WWOX: variants seen among roughly 807,000 people sequenced by gnomAD.
The protein encoded by WWOX is WW domain containing oxidoreductase, also known as WW domain-containing oxidoreductase.
In WWOX, 69 loss-of-function variants were observed where a neutral mutation model predicts 46.2. That is an observed-to-expected ratio of 1.49 (90% CI 1.23 to 1.82). WWOX has a LOEUF of 1.82. WWOX is among the 40% of genes most tolerant of loss of function. The probability of loss-of-function intolerance (pLI) is 0.00; values close to 1 mark genes in which losing one functional copy is unlikely to be tolerated. For synonymous variants in WWOX, 359 were observed against 202.6 expected (o/e 1.77, Z -6.56); for missense variants, 919 against 542.6 (o/e 1.69, Z -6.89).
chr16:79,109,238 T>G (rs911755524), intron 8 of WWOX, among the ~76,000 whole-genome samples: 1 of 152,212 alleles, frequency 6.6e-6, no homozygotes, highest in African/African-American at 2.4e-5. Context: ...GCTGTCCTCC[T>G]AATCCACATC....
intron 6 of WWOX, among the ~76,000 whole-genome samples, chr16:78,407,334 G>C (rs2082571450): frequency 6.6e-6 from 1 of 152,126 alleles, no homozygotes; most frequent in Non-Finnish European, 1.5e-5. Flanking sequence ...GTGACATTCT[G>C]CTTCCAGGAG....
At position 78,540,018 on chromosome 16, in the gene WWOX, T is replaced by TCACACACA. The variant is rs764527946; in HGVS notation, c.1056+107267_1056+107268insACACACAC. ...CTCTTTCTCTCTCTCTCTCTCTCTC[T>TCACACACA]CTCACACACACACACACACACACAC... On this transcript the variant is annotated intron_variant, in intron 8 of 8. Transcript: ENST00000566780. Among the ~76,000 whole-genome samples, 27 of 102,552 alleles carry TCACACACA rather than the reference T, an allele frequency of 2.6e-4. No individual in the cohort carries two copies. In the East Asian group the frequency reaches 3.4e-3, roughly 13 times the overall value. The allele number at this position is 102,552 out of a possible 152,430, so 67.3% of individuals were successfully genotyped here. A position where few individuals can be genotyped will look rare whatever the true frequency, so the allele number is the denominator to read the frequency against.
chr16:79,073,171 A>ATTATTC (rs2048584212), intron 8 of WWOX, among the ~76,000 whole-genome samples: 1 of 148,050 alleles, frequency 6.8e-6, no homozygotes, highest in Non-Finnish European at 1.5e-5. Flanking sequence ...TATTATTATT[A>ATTATTC]TTATTATTAT....
At chr16:79,060,652 C>T (rs976996555) in intron 8 of WWOX, among the ~76,000 whole-genome samples, 2 of 152,238 alleles carry the variant, frequency 1.3e-5, no homozygotes, top group South Asian at 2.1e-4. Flanking sequence ...TTTCTAGTCT[C>T]ATTTTGTAAA....
At chr16:78,982,820 A>C (rs1248520791) in intron 8 of WWOX, among the ~76,000 whole-genome samples, 3 of 152,200 alleles carry the variant, frequency 2.0e-5, no homozygotes, top group Non-Finnish European at 4.4e-5. Context: ...TATCAAATGA[A>C]TACCCTTCTG....
chr16:78,163,960 T>C (rs2034882231), intron 4 of WWOX, among the ~76,000 whole-genome samples: 1 of 152,116 alleles, frequency 6.6e-6, no homozygotes, highest in African/African-American at 2.4e-5. Flanking sequence ...GGTAAGATGT[T>C]TTGTAATGCC....
At chr16:78,829,932 G>A (rs545773229) in intron 8 of WWOX, among the ~76,000 whole-genome samples, 10 of 152,262 alleles carry the variant, frequency 6.6e-5, no homozygotes, top group South Asian at 4.1e-4. Context: ...ATTCAGCAGA[G>A]GAAAAATGAT....
chr16:78,130,919 G>A (rs2033566111), intron 4 of WWOX, among the ~76,000 whole-genome samples: 1 of 152,168 alleles, frequency 6.6e-6, no homozygotes, highest in Non-Finnish European at 1.5e-5. Context: ...ACCCTCATAG[G>A]ATGTACTTAC....
chr16:79,125,435 C>G (rs976159852), intron 8 of WWOX, among the ~76,000 whole-genome samples: 2 of 152,166 alleles, frequency 1.3e-5, no homozygotes, highest in Non-Finnish European at 2.9e-5. Context: ...TTATCTGAAG[C>G]CTGACATTGT....
chr16:78,485,338 T>C (rs1222946304), intron 8 of WWOX, among the ~76,000 whole-genome samples: 5 of 152,110 alleles, frequency 3.3e-5, no homozygotes, highest in Non-Finnish European at 7.4e-5. Context: ...TGGCTCTGTG[T>C]TGGGCCTGCC....
intron 6 of WWOX, among the ~76,000 whole-genome samples, chr16:78,388,273 C>T (rs75915266): frequency 0.061 from 9,214 of 152,192 alleles, 357 homozygotes; most frequent in South Asian, 0.17. Context: ...TCAGGTGATC[C>T]ACCCGCCTCA....
At chr16:78,749,321 A>C (rs1339559705) in intron 8 of WWOX, among the ~76,000 whole-genome samples, 3 of 152,210 alleles carry the variant, frequency 2.0e-5, no homozygotes, top group Non-Finnish European at 4.4e-5. Context: ...AAAGGGGAAA[A>C]AAATGGACTT....
Position 78,834,951 on chromosome 16 carries a change from C to T in WWOX, c.1057-376657C>T, listed in dbSNP as rs112275376. ...TTAGCAGTTCGTAATTATTGAAGGG[C>T]TGTCAGGAACCAGACACTGTGCTGA... On this transcript the variant is annotated intron_variant, in intron 8 of 8. Transcript: ENST00000566780. 1.4e-3 allele frequency among the ~76,000 whole-genome samples: 208 copies of T among 152,286 alleles called. 3 individuals are homozygous for T. The highest frequency in any genetic ancestry group is 4.7e-3 in the African/African-American group (197 of 41,550).
At chr16:78,742,783 C>A (rs1269659674) in intron 8 of WWOX, among the ~76,000 whole-genome samples, 1 of 152,150 alleles carries the variant, frequency 6.6e-6, no homozygotes, top group Non-Finnish European at 1.5e-5. Flanking sequence ...TCTTTTGTAT[C>A]TGATGTTCTT....
At chr16:78,906,777 A>G (rs1361184146) in intron 8 of WWOX, among the ~76,000 whole-genome samples, 3 of 152,236 alleles carry the variant, frequency 2.0e-5, no homozygotes, top group Admixed American at 6.5e-5. Flanking sequence ...TCATGTGACA[A>G]GGTCTTCTGA....
At chr16:79,197,569 A>G (rs149942421) in intron 8 of WWOX, among the ~76,000 whole-genome samples, 4 of 152,264 alleles carry the variant, frequency 2.6e-5, no homozygotes, top group African/African-American at 9.6e-5. Context: ...ATTCATGGGA[A>G]AGTAAATTTA....
At chr16:78,636,339 A>C (rs1430656268) in intron 8 of WWOX, among the ~76,000 whole-genome samples, 1 of 152,172 alleles carries the variant, frequency 6.6e-6, no homozygotes, top group Non-Finnish European at 1.5e-5. Context: ...CCTTTGAATA[A>C]ACCAAGTTTG....
chr16:78,234,691 T>C (rs1159366114), intron 5 of WWOX, among the ~76,000 whole-genome samples: 1 of 152,176 alleles, frequency 6.6e-6, no homozygotes, highest in Non-Finnish European at 1.5e-5. Context: ...TTATTATGCA[T>C]TGACCACCAT....
At chr16:78,115,226 A>G in intron 4 of WWOX, 72 bp downstream of exon 4, 1 of 1,580,946 alleles carries the variant, frequency 6.3e-7, no homozygotes, top group Non-Finnish European at 8.7e-7. Flanking sequence ...GCTATAATGG[A>G]ATTTTGTTTA....
Sources: gnomAD v4.1 joint callset for allele counts (sites outside exome capture counted in the v4.1 genomes callset) on GRCh38, gnomAD v4.1.1 for gene constraint, MANE v1.5 for transcripts, NCBI Gene and HGNC (gene_info 2026-07-23, HGNC 2026-07-21) for gene names.